MTMR12: variants seen among roughly 807,000 people sequenced by gnomAD.
MTMR12 encodes myotubularin related protein 12.
In MTMR12, 33 loss-of-function variants were observed where a neutral mutation model predicts 96.7. The observed-to-expected ratio is 0.34, with a 90% confidence interval of 0.26 to 0.46. The LOEUF is 0.46. Ranked by LOEUF, MTMR12 falls within the 20% of genes least tolerant of loss-of-function variation. The pLI, the probability that MTMR12 is intolerant of heterozygous loss-of-function variation, is 1.00. For missense variants in MTMR12, 721 were observed against 896.1 expected (o/e 0.80, Z 2.49); for synonymous variants, 298 against 327.2 (o/e 0.91, Z 0.96).
At chr5:32,259,555 TAAC>T (rs1481647665) in intron 7 of MTMR12, among the ~76,000 whole-genome samples, 2 of 152,190 alleles carry the variant, frequency 1.3e-5, no homozygotes, top group African/African-American at 4.8e-5. Context: ...ACTGAGGACA[TAAC>T]AATGGGCAAA....
intron 1 of MTMR12, among the ~76,000 whole-genome samples, chr5:32,307,827 G>C (rs987186717): frequency 6.6e-6 from 1 of 152,202 alleles, no homozygotes; most frequent in Non-Finnish European, 1.5e-5. Flanking sequence ...CCACCACAAA[G>C]TGCTGACTCT....
chr5:32,247,680 A>G (rs559855425), intron 10 of MTMR12: 3 of 909,844 alleles, frequency 3.3e-6, no homozygotes, highest in East Asian at 1.2e-4. Context: ...GTCAACAAAT[A>G]TAAATACTAC....
intron 3 of MTMR12, 27 bp from the exon 4 acceptor site, chr5:32,271,932 T>C (rs1044159362): frequency 6.8e-6 from 9 of 1,331,010 alleles, no homozygotes; most frequent in Non-Finnish European, 9.5e-6. Context: ...GAAACAACTG[T>C]GACTCCTCTG....
chr5:32,259,313 T>A (rs535616371), intron 7 of MTMR12, among the ~76,000 whole-genome samples: 29 of 152,156 alleles, frequency 1.9e-4, no homozygotes, highest in Non-Finnish European at 3.8e-4. Flanking sequence ...CATACCATCC[T>A]ATGCGTTTAC....
chr5:32,290,876 T>C (rs1364190639), intron 1 of MTMR12, among the ~76,000 whole-genome samples: 1 of 152,242 alleles, frequency 6.6e-6, no homozygotes, highest in Non-Finnish European at 1.5e-5. Context: ...GGCCCGTTAC[T>C]GGGCTTTGGT....
intron 1 of MTMR12, chr5:32,296,437 C>A: frequency 5.8e-6 from 2 of 347,530 alleles, no homozygotes; most frequent in South Asian, 2.1e-5. Context: ...TGAGATCACA[C>A]CACTGCATTC....
chr5:32,260,501 C>A (rs1271946634), intron 7 of MTMR12, among the ~76,000 whole-genome samples: 2 of 151,746 alleles, frequency 1.3e-5, no homozygotes, highest in South Asian at 2.1e-4. Flanking sequence ...AAAAACAATT[C>A]TGGGAACTTA....
rs1156759002 is a variant in MTMR12 at position 32,227,931 on chromosome 5, CA to C, written c.*1846del. 1 of 152,604 alleles carries C rather than the reference CA, an allele frequency of 6.6e-6. No homozygotes were observed. The highest frequency in any genetic ancestry group is 1.5e-5 in the Non-Finnish European group (1 of 68,048). 9.5% of individuals were successfully genotyped at this position (152,604 alleles called of 1,614,324 possible). ...CTGCATTAATATGGAGTGGGGAGAA[CA>C]GCAAAACAATTCACTGTATGTACAA... On this transcript the variant is annotated 3_prime_UTR_variant, in exon 16 of 16. Coordinates refer to ENST00000382142, the MANE Select transcript of MTMR12 (RefSeq NM_001040446.3).
intron 11 of MTMR12, among the ~76,000 whole-genome samples, chr5:32,242,675 C>G (rs982090155): frequency 6.6e-6 from 1 of 151,812 alleles, no homozygotes; most frequent in Non-Finnish European, 1.5e-5. Flanking sequence ...TCCTACCCCC[C>G]AGCCACCTTC....
intron 1 of MTMR12, among the ~76,000 whole-genome samples, chr5:32,282,366 A>G (rs1750333380): frequency 6.6e-6 from 1 of 151,950 alleles, no homozygotes; most frequent in Non-Finnish European, 1.5e-5. Context: ...GCTTACAGTG[A>G]GCCGAGATTG....
intron 8 of MTMR12, among the ~76,000 whole-genome samples, chr5:32,253,533 T>C (rs144266378): frequency 3.7e-4 from 56 of 152,328 alleles, no homozygotes; most frequent in African/African-American, 1.3e-3. Context: ...GTAATACTTT[T>C]TTGCTGTTCA....
chr5:32,242,839 G>A (rs1051990135), intron 11 of MTMR12, among the ~76,000 whole-genome samples: 1 of 152,020 alleles, frequency 6.6e-6, no homozygotes, highest in Non-Finnish European at 1.5e-5. Flanking sequence ...CTGGAGCACA[G>A]TTCAGTGTCT....
At chr5:32,261,182 G>A (rs1394798905) in intron 7 of MTMR12, among the ~76,000 whole-genome samples, 3 of 152,024 alleles carry the variant, frequency 2.0e-5, no homozygotes, top group African/African-American at 4.8e-5. Context: ...GCGGTGAGCC[G>A]AGATAGCACC....
At chr5:32,290,265 G>A (rs1750691972) in intron 1 of MTMR12, among the ~76,000 whole-genome samples, 1 of 152,198 alleles carries the variant, frequency 6.6e-6, no homozygotes, top group Non-Finnish European at 1.5e-5. Flanking sequence ...TATTTGAAGA[G>A]ACCTTGATCG....
At chr5:32,251,054 C>CTTT (rs1299015165) in intron 8 of MTMR12, among the ~76,000 whole-genome samples, 1,388 of 130,958 alleles carry the variant, frequency 0.011, 41 homozygotes, top group African/African-American at 0.037. Context: ...AGGTCCCTCT[C>CTTT]TTTTTTTTTT....
intron 1 of MTMR12, among the ~76,000 whole-genome samples, chr5:32,300,766 G>A (rs1751110439): frequency 6.6e-6 from 1 of 152,134 alleles, no homozygotes; most frequent in Admixed American, 6.5e-5. Flanking sequence ...TCTCCAGAAC[G>A]TAAAGCTGCA....
intron 2 of MTMR12, among the ~76,000 whole-genome samples, chr5:32,274,675 G>A (rs1749981903): frequency 6.6e-6 from 1 of 152,062 alleles, no homozygotes; most frequent in Admixed American, 6.5e-5. Context: ...GCCTTCCACA[G>A]CATGACCACC....
chr5:32,279,960 C>T (rs1750227840), intron 1 of MTMR12, among the ~76,000 whole-genome samples: 1 of 152,180 alleles, frequency 6.6e-6, no homozygotes, highest in African/African-American at 2.4e-5. Flanking sequence ...CAGACTAGTA[C>T]CAGTCCGCAG....
chr5:32,298,952 C>CAAAAAA (rs766708610), intron 1 of MTMR12, among the ~76,000 whole-genome samples: 1 of 54,642 alleles, frequency 1.8e-5, no homozygotes, highest in Non-Finnish European at 3.8e-5. Flanking sequence ...GACTCCATCT[C>CAAAAAA]AAAAAAAAAA....
Sources: allele counts gnomAD v4.1 joint callset (sites outside exome capture counted in the v4.1 genomes callset), GRCh38; gene constraint gnomAD v4.1.1; transcripts MANE v1.5; gene names NCBI Gene and HGNC (gene_info 2026-07-23, HGNC 2026-07-21).